HS6ST2: variants seen among roughly 807,000 people sequenced by gnomAD.
The protein encoded by HS6ST2 is heparan sulfate 6-O-sulfotransferase 2.
HS6ST2 carries 17 observed loss-of-function variants against 33.0 expected under a neutral mutation model. That is an observed-to-expected ratio of 0.52 (90% CI 0.35 to 0.77). The LOEUF is 0.77. Ranked by LOEUF, HS6ST2 falls within the 30% of genes least tolerant of loss-of-function variation. The probability of loss-of-function intolerance (pLI) is 0.01; values close to 1 mark genes in which losing one functional copy is unlikely to be tolerated. For missense variants in HS6ST2, 519 were observed against 551.7 expected, an observed-to-expected ratio of 0.94 and a Z score of 0.59; for synonymous variants, 248 against 237.1, an observed-to-expected ratio of 1.05 and a Z score of -0.42.
At chrX:132,669,286 A>G (rs2063838773) in intron 3 of HS6ST2, 87 bp from the exon 4 acceptor site, 6 of 745,264 alleles carry the variant, frequency 8.1e-6, no homozygotes, top group Non-Finnish European at 1.2e-5. Context: ...AAAGACTCTC[A>G]AGGCCAGCCT....
At chrX:132,839,272 G>GTGTATATA (rs1322487756) in intron 2 of HS6ST2, among the ~76,000 whole-genome samples, 2 of 62,795 alleles carry the variant, frequency 3.2e-5, no homozygotes, top group African/African-American at 5.7e-5. Flanking sequence ...TGTAGTGTGT[G>GTGTATATA]TATATATATA....
chrX:132,789,466 T>G (rs1216594001), intron 2 of HS6ST2, among the ~76,000 whole-genome samples: 1 of 111,550 alleles, frequency 9.0e-6, no homozygotes, highest in Non-Finnish European at 1.9e-5. Context: ...CTCATGGAGA[T>G]CTACACAGAG....
At chrX:132,889,564 CAG>C (rs1359254727) in intron 2 of HS6ST2, among the ~76,000 whole-genome samples, 6 of 111,169 alleles carry the variant, frequency 5.4e-5, no homozygotes. Flanking sequence ...TGAATGTAGT[CAG>C]AGGTTGAGGT....
intron 2 of HS6ST2, among the ~76,000 whole-genome samples, chrX:132,869,219 G>T (rs1001448031): frequency 9.0e-6 from 1 of 111,559 alleles, no homozygotes; most frequent in Non-Finnish European, 1.9e-5. Context: ...ACCCTCCCAA[G>T]AGTAAACCAG....
chrX:132,787,116 T>C (rs2065068500), intron 2 of HS6ST2, among the ~76,000 whole-genome samples: 1 of 95,413 alleles, frequency 1.0e-5, no homozygotes, highest in Admixed American at 1.2e-4. Context: ...TTTAGAGCAC[T>C]TACCACCATT....
chrX:132,669,043 T>C (rs944948533), intron 4 of HS6ST2, 70 bp downstream of exon 4: 5 of 672,057 alleles, frequency 7.4e-6, no homozygotes, highest in African/African-American at 2.2e-5. Context: ...TATGAATAAA[T>C]GACAAAAGGA....
chrX:132,766,275 TTAAC>T (rs1381182636), intron 2 of HS6ST2, among the ~76,000 whole-genome samples: 1 of 112,413 alleles, frequency 8.9e-6, no homozygotes, highest in Non-Finnish European at 1.9e-5. Flanking sequence ...CACCATTAAT[TTAAC>T]TAACTAAAAT....
chrX:132,895,992 T>G (rs971024288), intron 2 of HS6ST2, among the ~76,000 whole-genome samples: 2 of 111,194 alleles, frequency 1.8e-5, no homozygotes, highest in Non-Finnish European at 3.8e-5. Context: ...AAAGACTTTA[T>G]GTTAAGTGAA....
At chrX:132,654,109 G>A (rs2063713860) in intron 4 of HS6ST2, among the ~76,000 whole-genome samples, 1 of 109,919 alleles carries the variant, frequency 9.1e-6, no homozygotes, top group Admixed American at 9.7e-5. Context: ...TTGCTAACAG[G>A]GTAGATCTTA....
chrX:132,794,571 G>GATTATTATTATTATT (rs780917977), intron 2 of HS6ST2, among the ~76,000 whole-genome samples: 53 of 98,883 alleles, frequency 5.4e-4, no homozygotes, highest in Admixed American at 2.7e-3. Context: ...TGATGATGAT[G>GATTATTATTATTATT]ATGATTATTA....
intron 2 of HS6ST2, among the ~76,000 whole-genome samples, chrX:132,839,101 A>G (rs1037037117): frequency 2.9e-5 from 3 of 103,558 alleles, no homozygotes; most frequent in Non-Finnish European, 5.9e-5. Context: ...AAATAGAACC[A>G]CCATTTGATC....
intron 2 of HS6ST2, among the ~76,000 whole-genome samples, chrX:132,738,648 G>A (rs993288496): frequency 7.1e-5 from 8 of 111,992 alleles, no homozygotes; most frequent in African/African-American, 2.6e-4. Flanking sequence ...AGCAGTTTAT[G>A]AAAACAACGT....
At chrX:132,711,310 G>A (rs139403503) in intron 2 of HS6ST2, among the ~76,000 whole-genome samples, 1,363 of 111,301 alleles carry the variant, frequency 0.012, 15 homozygotes, top group African/African-American at 0.042. Flanking sequence ...TGGGTGCTTA[G>A]GGCTTGAGAA....
intron 2 of HS6ST2, among the ~76,000 whole-genome samples, chrX:132,785,700 T>C (rs986572991): frequency 8.9e-6 from 1 of 111,973 alleles, no homozygotes; most frequent in African/African-American, 3.2e-5. Context: ...GAAGTTAAAA[T>C]TGGGGGCAGA....
intron 2 of HS6ST2, among the ~76,000 whole-genome samples, chrX:132,793,917 G>T (rs752838730): frequency 2.7e-5 from 3 of 112,015 alleles, no homozygotes; most frequent in Non-Finnish European, 3.8e-5. Flanking sequence ...ATATGTGCCC[G>T]TTTTGCCGGA....
At chrX:132,886,832 T>A (rs1321384599) in intron 2 of HS6ST2, among the ~76,000 whole-genome samples, 1 of 110,663 alleles carries the variant, frequency 9.0e-6, no homozygotes, top group African/African-American at 3.3e-5. Flanking sequence ...GGTAGTGGAG[T>A]AACATTCAAA....
intron 2 of HS6ST2, among the ~76,000 whole-genome samples, chrX:132,761,323 G>T (rs991033816): frequency 1.8e-5 from 2 of 111,826 alleles, no homozygotes; most frequent in African/African-American, 6.5e-5. Context: ...GACTGAAAAG[G>T]GTCCTGGGAA....
At chrX:132,875,359 C>T (rs2066100122) in intron 2 of HS6ST2, among the ~76,000 whole-genome samples, 1 of 111,434 alleles carries the variant, frequency 9.0e-6, no homozygotes, top group Non-Finnish European at 1.9e-5. Context: ...GTTTGAGGAT[C>T]CTTGGTTAGA....
At chrX:132,921,671 T>TAAAACA (rs1479971550) in intron 2 of HS6ST2, among the ~76,000 whole-genome samples, 1 of 110,907 alleles carries the variant, frequency 9.0e-6, no homozygotes, top group African/African-American at 3.3e-5. Flanking sequence ...TAAAACAAAA[T>TAAAACA]AAAACAAAAA....
Sources: allele counts gnomAD v4.1 joint callset (sites outside exome capture counted in the v4.1 genomes callset), GRCh38; gene constraint gnomAD v4.1.1; transcripts MANE v1.5; gene names NCBI Gene and HGNC (gene_info 2026-07-23, HGNC 2026-07-21).